EXOC6B: variants seen among roughly 807,000 people sequenced by gnomAD.
The protein encoded by EXOC6B is SEC15 homolog B.
In EXOC6B, 54 loss-of-function variants were observed where a neutral mutation model predicts 113.5. The ratio of observed to expected loss-of-function variants is 0.48; its 90% CI spans 0.38 to 0.60. EXOC6B has a LOEUF of 0.60. Ranked by LOEUF, EXOC6B falls within the 20% of genes least tolerant of loss-of-function variation. The probability of loss-of-function intolerance (pLI) is 0.00; values close to 1 mark genes in which losing one functional copy is unlikely to be tolerated. For missense variants in EXOC6B, 797 were observed against 977.5 expected (o/e 0.82, Z 2.46); for synonymous variants, 357 against 339.0 (o/e 1.05, Z -0.58).
intron 18 of EXOC6B, among the ~76,000 whole-genome samples, chr2:72,416,325 T>C (rs1260274899): frequency 6.6e-6 from 1 of 152,336 alleles, no homozygotes; most frequent in Non-Finnish European, 1.5e-5. Context: ...ATTATGGCAA[T>C]AGACTCGCCA....
chr2:72,631,468 AGAGAGAGAGAGAGAGAGAGAG>A (rs1208212509), intron 6 of EXOC6B, among the ~76,000 whole-genome samples: 1 of 3,198 alleles, frequency 3.1e-4, no homozygotes, highest in Non-Finnish European at 6.3e-4. Context: ...ATATAGAGAG[AGAGAGAGAGAGAGAGAGAGAG>A]AGAGAGAGAG....
intron 1 of EXOC6B, among the ~76,000 whole-genome samples, chr2:72,779,463 G>A (rs1329925715): frequency 6.6e-6 from 1 of 151,808 alleles, no homozygotes; most frequent in Non-Finnish European, 1.5e-5. Flanking sequence ...TGTTCAAAAT[G>A]TAAAAAAAAT....
At chr2:72,347,744 A>AC (rs1213101416) in intron 19 of EXOC6B, among the ~76,000 whole-genome samples, 1 of 152,156 alleles carries the variant, frequency 6.6e-6, no homozygotes, top group African/African-American at 2.4e-5. Context: ...TTTTCTGACT[A>AC]CCCACAATTC....
intron 1 of EXOC6B, among the ~76,000 whole-genome samples, chr2:72,785,703 G>T (rs935663732): frequency 2.0e-5 from 3 of 152,260 alleles, no homozygotes; most frequent in African/African-American, 7.2e-5. Flanking sequence ...GGGACCCTGG[G>T]CTTGGCCCAC....
intron 18 of EXOC6B, among the ~76,000 whole-genome samples, chr2:72,424,904 G>A (rs1314280713): frequency 2.0e-5 from 3 of 152,128 alleles, no homozygotes; most frequent in East Asian, 3.9e-4. Context: ...CATGTGTCAT[G>A]GGGGTTTCTT....
chr2:72,484,402 CAAA>C (rs34881607), intron 16 of EXOC6B, among the ~76,000 whole-genome samples: 1 of 131,576 alleles, frequency 7.6e-6, no homozygotes. Context: ...ACTAAAAATA[CAAA>C]AAAAAAAAAA....
At chr2:72,575,419 C>G (rs1458128738) in intron 7 of EXOC6B, 73 bp downstream of exon 7, 2 of 1,371,760 alleles carry the variant, frequency 1.5e-6, no homozygotes, top group Non-Finnish European at 2.0e-6. Context: ...TATGGATAAA[C>G]TCTTCATCAC....
chr2:72,473,914 T>C (rs1051766494), intron 17 of EXOC6B, among the ~76,000 whole-genome samples: 9 of 152,288 alleles, frequency 5.9e-5, no homozygotes, highest in Non-Finnish European at 8.8e-5. Flanking sequence ...AAGTTTAGAA[T>C]TCCCTTGAGG....
chr2:72,406,950 A>G (rs964332925), intron 18 of EXOC6B, among the ~76,000 whole-genome samples: 3 of 152,180 alleles, frequency 2.0e-5, no homozygotes, highest in Non-Finnish European at 4.4e-5. Context: ...AAATTGATAG[A>G]CTAATAAAGA....
At position 72,349,261 on chromosome 2, in the gene EXOC6B, A is replaced by G. The variant is rs1689512207; in HGVS notation, c.2123-14241T>C. On this transcript the variant is annotated intron_variant, in intron 19 of 21. Transcript: ENST00000272427. ...GGTCTTTGTCCCTGGCTCCTGGCAT[A>G]GAGCTTCAAAAACTCGTGGAATTTC... Among the ~76,000 whole-genome samples the G allele has an allele frequency of 2.0e-5, 3 of 152,220 alleles. No homozygotes were observed. In the South Asian group the frequency reaches 6.2e-4, roughly 31 times the overall value.
At chr2:72,269,088 G>C (rs912344093) in intron 20 of EXOC6B, among the ~76,000 whole-genome samples, 3 of 152,016 alleles carry the variant, frequency 2.0e-5, no homozygotes, top group African/African-American at 7.2e-5. Context: ...CAAACACGAT[G>C]TTATATATAT....
intron 7 of EXOC6B, among the ~76,000 whole-genome samples, chr2:72,570,763 T>C (rs972987006): frequency 1.2e-4 from 19 of 152,344 alleles, no homozygotes; most frequent in African/African-American, 4.6e-4. Flanking sequence ...TTTCAAACTA[T>C]TTCTTAATAC....
intron 16 of EXOC6B, among the ~76,000 whole-genome samples, chr2:72,485,827 G>T (rs1198341388): frequency 6.6e-6 from 1 of 152,114 alleles, no homozygotes; most frequent in Non-Finnish European, 1.5e-5. Context: ...ATTTCTTCAG[G>T]TCTCTACTAC....
At chr2:72,210,373 A>G (rs908148145) in intron 20 of EXOC6B, among the ~76,000 whole-genome samples, 39 of 152,212 alleles carry the variant, frequency 2.6e-4, no homozygotes, top group Non-Finnish European at 4.3e-4. Context: ...CCTAAACAAA[A>G]TGAACACGTC....
intron 1 of EXOC6B, among the ~76,000 whole-genome samples, chr2:72,813,579 C>T (rs1686042707): frequency 6.6e-6 from 1 of 152,010 alleles, no homozygotes; most frequent in Non-Finnish European, 1.5e-5. Flanking sequence ...TTTACCTGAC[C>T]AAAAACAAAA....
At chr2:72,683,576 G>A (rs1270108968) in intron 6 of EXOC6B, among the ~76,000 whole-genome samples, 1 of 152,032 alleles carries the variant, frequency 6.6e-6, no homozygotes, top group Admixed American at 6.6e-5. Flanking sequence ...TGTTAACAGT[G>A]GCAATCTGTG....
At chr2:72,267,513 T>C (rs1684203986) in intron 20 of EXOC6B, among the ~76,000 whole-genome samples, 1 of 152,220 alleles carries the variant, frequency 6.6e-6, no homozygotes, top group Non-Finnish European at 1.5e-5. Context: ...ATTGAGATAA[T>C]CATGTGGTTT....
At chr2:72,647,119 C>T (rs1418386058) in intron 6 of EXOC6B, among the ~76,000 whole-genome samples, 1 of 152,168 alleles carries the variant, frequency 6.6e-6, no homozygotes, top group Non-Finnish European at 1.5e-5. Flanking sequence ...GCAAAAATCA[C>T]AAGCAATCCT....
At chr2:72,454,447 G>A (rs1482185360) in intron 18 of EXOC6B, among the ~76,000 whole-genome samples, 1 of 152,144 alleles carries the variant, frequency 6.6e-6, no homozygotes. Context: ...CGAGGCTGCA[G>A]TGAGCTGTTA....
Sources: allele counts gnomAD v4.1 joint callset (sites outside exome capture counted in the v4.1 genomes callset), GRCh38; gene constraint gnomAD v4.1.1; transcripts MANE v1.5; gene names NCBI Gene and HGNC (gene_info 2026-07-23, HGNC 2026-07-21).